Variants in SPMIP8 observed in about 807,000 individuals in gnomAD.
SPMIP8 encodes the protein sperm microtubule inner protein 8.
the SPMIP8 span, among the ~76,000 whole-genome samples, chr16:57,980,809 T>C: frequency 1.3e-5 from 2 of 152,096 alleles, no homozygotes; most frequent in Non-Finnish European, 2.9e-5. Context: ...ATCCTGCCAC[T>C]TCAGCCTCCT....
the SPMIP8 span, chr16:57,985,310 G>A: frequency 6.4e-7 from 1 of 1,557,430 alleles, no homozygotes; most frequent in Non-Finnish European, 8.7e-7. Flanking sequence ...GCGGGGAGCG[G>A]GGGTCCTGGT....
chr16:57,985,476 C>T, the SPMIP8 span: 8 of 1,613,950 alleles, frequency 5.0e-6, no homozygotes, highest in East Asian at 4.5e-5. Flanking sequence ...CTGCTGCCCG[C>T]CTCAGTACTG....
At chr16:57,986,837 C>G in the SPMIP8 span, 1 of 152,180 alleles carries the variant, frequency 6.6e-6, no homozygotes, top group Non-Finnish European at 1.5e-5. Flanking sequence ...TATGATCCAC[C>G]CACCTCAGCC....
the SPMIP8 span, chr16:57,985,055 G>C: frequency 1.1e-4 from 128 of 1,113,452 alleles, 1 homozygote; most frequent in African/African-American, 1.9e-3. Flanking sequence ...TTGCCCTGGT[G>C]GGGCAGCGGA....
chr16:57,985,354 G>A, the SPMIP8 span: 1 of 1,576,440 alleles, frequency 6.3e-7, no homozygotes, highest in Non-Finnish European at 8.6e-7. Context: ...TGAGGGGGGA[G>A]GAGACCCAGA....
chr16:57,987,422 AT>A, the SPMIP8 span: 9 of 1,596,426 alleles, frequency 5.6e-6, no homozygotes, highest in Non-Finnish European at 7.7e-6. Context: ...ACCCCCTGGC[AT>A]TAATCTCTGG....
chr16:57,978,627 T>C, the SPMIP8 span, among the ~76,000 whole-genome samples: 1 of 152,064 alleles, frequency 6.6e-6, no homozygotes, highest in African/African-American at 2.4e-5. Context: ...TGTTGTTTTG[T>C]TTTTTGAAGA....
chr16:57,982,116 C>T, the SPMIP8 span, among the ~76,000 whole-genome samples: 1 of 152,168 alleles, frequency 6.6e-6, no homozygotes, highest in African/African-American at 2.4e-5. Flanking sequence ...GCTTCTCTCG[C>T]CCTCTCTCTT....
chr16:57,979,115 G>A, the SPMIP8 span, among the ~76,000 whole-genome samples: 7 of 152,224 alleles, frequency 4.6e-5, no homozygotes, highest in Non-Finnish European at 7.3e-5. Flanking sequence ...GAATAACCCC[G>A]CATGGACTGA....
At chr16:57,983,673 G>A in the SPMIP8 span, among the ~76,000 whole-genome samples, 12 of 152,050 alleles carry the variant, frequency 7.9e-5, no homozygotes, top group South Asian at 1.9e-3. Flanking sequence ...GTGCAGTGGC[G>A]CAATCTCAGC....
the SPMIP8 span, chr16:57,987,595 G>A: frequency 1.4e-6 from 1 of 724,044 alleles, no homozygotes. Context: ...GTCTGTGTGT[G>A]TTGCACAGCC....
At chr16:57,986,018 T>A in the SPMIP8 span, 1,098 of 1,513,428 alleles carry the variant, frequency 7.3e-4, 17 homozygotes, top group East Asian at 0.02. Context: ...CGGGGCTCCC[T>A]GACTCTGAAA....
chr16:57,976,690 C>T, the SPMIP8 span: 4 of 1,598,322 alleles, frequency 2.5e-6, no homozygotes, highest in Middle Eastern at 2.1e-4. Context: ...ATCCCCCTCC[C>T]TGTCCCTCCC....
chr16:57,985,690 A>G, the SPMIP8 span: 1 of 1,248,734 alleles, frequency 8.0e-7, no homozygotes, highest in Non-Finnish European at 1.1e-6. Flanking sequence ...ACAAATTGCA[A>G]TTTCAAATGA....
At chr16:57,985,611 T>G in the SPMIP8 span, 11 of 1,516,084 alleles carry the variant, frequency 7.3e-6, no homozygotes, top group Non-Finnish European at 9.7e-6. Context: ...CTGGGCCGCT[T>G]TCCTAGCGCA....
chr16:57,984,883 G>A, the SPMIP8 span: 79 of 1,483,650 alleles, frequency 5.3e-5, no homozygotes, highest in East Asian at 1.9e-3. Flanking sequence ...CGTGGACTGC[G>A]GACGGGAACG....
the SPMIP8 span, chr16:57,978,104 A>T: frequency 1.3e-6 from 2 of 1,521,580 alleles, no homozygotes; most frequent in Non-Finnish European, 1.8e-6. Context: ...AGAGGGAGAC[A>T]GATGCAAGGA....
the SPMIP8 span, chr16:57,985,456 G>A: frequency 5.0e-6 from 8 of 1,613,684 alleles, no homozygotes; most frequent in Non-Finnish European, 5.9e-6. Flanking sequence ...GACTCACCGC[G>A]CCCCTATCCC....
the SPMIP8 span, among the ~76,000 whole-genome samples, chr16:57,981,869 G>A: frequency 6.6e-6 from 1 of 152,144 alleles, no homozygotes; most frequent in Non-Finnish European, 1.5e-5. Context: ...AAAGGCAGGG[G>A]TGGAATGAAG....
Sources: allele counts gnomAD v4.1 joint callset (sites outside exome capture counted in the v4.1 genomes callset), GRCh38; gene constraint gnomAD v4.1.1; transcripts MANE v1.5; gene names NCBI Gene and HGNC (gene_info 2026-07-23, HGNC 2026-07-21).